Variants in LSAMP observed in about 807,000 individuals in gnomAD.
LSAMP encodes limbic system associated membrane protein, also known as limbic system-associated membrane protein.
Under a neutral mutation model 38.6 loss-of-function variants are expected in LSAMP, and 7 were observed. That is an observed-to-expected ratio of 0.18 (90% CI 0.10 to 0.34). LSAMP has a LOEUF of 0.34. Ranked by LOEUF, LSAMP falls within the 10% of genes least tolerant of loss-of-function variation. The pLI is 1.00. For missense variants in LSAMP, 313 were observed against 420.0 expected, an observed-to-expected ratio of 0.75 and a Z score of 2.23; for synonymous variants, 154 against 166.8, an observed-to-expected ratio of 0.92 and a Z score of 0.59.
rs558376819 is a variant in LSAMP at position 116,259,683 on chromosome 3, T to C, written c.156-173127A>G. On this transcript the variant is annotated intron_variant, in intron 1 of 6. Coordinates refer to ENST00000490035, the MANE Select transcript of LSAMP (RefSeq NM_002338.5). ...AGCTGTGGTGCTGGTGGTGTTGGTA[T>C]GCAATCATTTCGTAAAGTTGCTTGC... is the stretch of plus-strand genomic sequence containing the variant. Among the ~76,000 whole-genome samples the C allele has an allele frequency of 2.0e-5, 3 of 152,284 alleles. No homozygotes were observed. The East Asian group carries it at 5.8e-4, about 29-fold the overall frequency.
chr3:116,301,360 A>C (rs1272825299), intron 1 of LSAMP, among the ~76,000 whole-genome samples: 1 of 152,236 alleles, frequency 6.6e-6, no homozygotes, highest in African/African-American at 2.4e-5. Context: ...AGATTAATTC[A>C]ACCCTCTGTA....
intron 1 of LSAMP, among the ~76,000 whole-genome samples, chr3:116,340,510 T>C (rs1207219283): frequency 1.3e-5 from 2 of 151,968 alleles, no homozygotes; most frequent in Non-Finnish European, 2.9e-5. Context: ...ACATATTCCT[T>C]AAACAGATGA....
chr3:116,380,659 A>G (rs2048546799), intron 1 of LSAMP, among the ~76,000 whole-genome samples: 1 of 152,092 alleles, frequency 6.6e-6, no homozygotes, highest in African/African-American at 2.4e-5. Context: ...GGCTCACACT[A>G]TATAAAGAGC....
intron 1 of LSAMP, among the ~76,000 whole-genome samples, chr3:116,161,175 C>G (rs1709878770): frequency 6.6e-6 from 1 of 151,996 alleles, no homozygotes; most frequent in Non-Finnish European, 1.5e-5. Context: ...TTTTTAGGGA[C>G]AAGAAGCATG....
intron 1 of LSAMP, among the ~76,000 whole-genome samples, chr3:116,403,231 A>T (rs1005921507): frequency 1.3e-5 from 2 of 152,244 alleles, no homozygotes; most frequent in Admixed American, 1.3e-4. Context: ...TAATGCTAAT[A>T]GTAACCCTCT....
chr3:116,252,929 A>C lies in LSAMP; in HGVS notation c.156-166373T>G, dbSNP rs561859774. The stretch of plus-strand genomic sequence containing the variant: ...TACTGATCAACAAAGAGAGAAACCT[A>C]TTTGGTTTACAATAACCTGACCATC... On this transcript the variant is annotated intron_variant, in intron 1 of 6. Coordinates refer to ENST00000490035, the MANE Select transcript of LSAMP (RefSeq NM_002338.5). 2.6e-5 allele frequency among the ~76,000 whole-genome samples: 4 copies of C among 152,346 alleles called. No homozygotes were observed. The South Asian group carries it at 8.3e-4, about 32-fold the overall frequency.
chr3:115,829,876 C>A (rs781340591), intron 6 of LSAMP, among the ~76,000 whole-genome samples: 8 of 152,184 alleles, frequency 5.3e-5, no homozygotes, highest in Non-Finnish European at 1.0e-4. Flanking sequence ...GAACTTATAT[C>A]TAGCTGATGT....
intron 1 of LSAMP, among the ~76,000 whole-genome samples, chr3:116,201,648 A>G (rs1344787069): frequency 1.3e-5 from 2 of 152,196 alleles, no homozygotes; most frequent in African/African-American, 4.8e-5. Flanking sequence ...CTACTTACTC[A>G]GGCTCTTGTG....
At chr3:116,227,283 G>A (rs1301995498) in intron 1 of LSAMP, among the ~76,000 whole-genome samples, 1 of 152,128 alleles carries the variant, frequency 6.6e-6, no homozygotes, top group Non-Finnish European at 1.5e-5. Context: ...CTTTCAAATT[G>A]TCTTATCTGA....
intron 1 of LSAMP, among the ~76,000 whole-genome samples, chr3:116,173,746 C>T (rs1285151883): frequency 6.6e-6 from 1 of 150,870 alleles, no homozygotes; most frequent in Non-Finnish European, 1.5e-5. Flanking sequence ...TTATGTCCTG[C>T]CATAATAGAA....
At chr3:116,289,196 G>A (rs575120921) in intron 1 of LSAMP, among the ~76,000 whole-genome samples, 6 of 152,166 alleles carry the variant, frequency 3.9e-5, no homozygotes, top group Admixed American at 6.5e-5. Context: ...ATCAAGACTG[G>A]TATGTCTCTG....
intron 1 of LSAMP, among the ~76,000 whole-genome samples, chr3:116,354,222 A>G (rs532405863): frequency 1.3e-5 from 2 of 152,304 alleles, no homozygotes; most frequent in South Asian, 4.1e-4. Context: ...TTCCAGCCAT[A>G]TACCCTCGGT....
At chr3:115,996,688 T>G (rs1939824764) in intron 3 of LSAMP, among the ~76,000 whole-genome samples, 1 of 152,220 alleles carries the variant, frequency 6.6e-6, no homozygotes, top group South Asian at 2.1e-4. Context: ...ACAAATCTCA[T>G]TATTTGAGGT....
intron 1 of LSAMP, among the ~76,000 whole-genome samples, chr3:116,168,246 A>G (rs1190173337): frequency 6.6e-6 from 1 of 152,120 alleles, no homozygotes; most frequent in Admixed American, 6.5e-5. Flanking sequence ...TTACTGACCA[A>G]TGGATCTGTC....
At chr3:115,966,885 C>A (rs79802312) in intron 3 of LSAMP, among the ~76,000 whole-genome samples, 1 of 152,134 alleles carries the variant, frequency 6.6e-6, no homozygotes, top group Non-Finnish European at 1.5e-5. Flanking sequence ...AGAACCTTAT[C>A]AATATCTTTG....
At chr3:116,221,091 T>C (rs2046278756) in intron 1 of LSAMP, among the ~76,000 whole-genome samples, 1 of 124,462 alleles carries the variant, frequency 8.0e-6, no homozygotes, top group Non-Finnish European at 1.6e-5. Context: ...AGGTGCAGCT[T>C]GCAGTGAGCC....
intron 1 of LSAMP, among the ~76,000 whole-genome samples, chr3:116,290,393 T>A (rs72947998): frequency 2.0e-5 from 3 of 152,072 alleles, no homozygotes; most frequent in East Asian, 1.9e-4. Context: ...AGTTGAAGAA[T>A]TCCCCCCCAT....
intron 3 of LSAMP, among the ~76,000 whole-genome samples, chr3:115,958,940 T>C (rs1938541532): frequency 6.6e-6 from 1 of 152,136 alleles, no homozygotes; most frequent in Non-Finnish European, 1.5e-5. Context: ...CCATAGGCTA[T>C]GGTAAAAAAT....
chr3:116,123,209 C>T (rs551126588), intron 1 of LSAMP, among the ~76,000 whole-genome samples: 14 of 152,292 alleles, frequency 9.2e-5, no homozygotes, highest in Non-Finnish European at 1.3e-4. Flanking sequence ...GAGTGAGCTG[C>T]CTGCTGCCTT....
Sources: allele counts gnomAD v4.1 joint callset (sites outside exome capture counted in the v4.1 genomes callset), GRCh38; gene constraint gnomAD v4.1.1; transcripts MANE v1.5; gene names NCBI Gene and HGNC (gene_info 2026-07-23, HGNC 2026-07-21).